The following AUTS2 variants were observed in gnomAD, a reference collection of about 807,000 sequenced individuals.
AUTS2 encodes the protein activator of transcription and developmental regulator AUTS2.
Under a neutral mutation model 112.4 loss-of-function variants are expected in AUTS2, and 17 were observed. The ratio of observed to expected loss-of-function variants is 0.15; its 90% CI spans 0.10 to 0.23. The LOEUF (loss-of-function observed/expected upper bound fraction) is 0.23, where lower values mean the gene tolerates loss of function less well. Among genes scored for constraint, AUTS2 ranks in the 10% least tolerant of loss-of-function variants. The pLI, the probability that AUTS2 is intolerant of heterozygous loss-of-function variation, is 1.00. For synonymous variants in AUTS2, 751 were observed against 702.7 expected, an observed-to-expected ratio of 1.07 and a Z score of -1.09; for missense variants, 1,510 against 1,701.6, an observed-to-expected ratio of 0.89 and a Z score of 1.98.
chr7:69,762,387 G>A (rs6957302), intron 1 of AUTS2, among the ~76,000 whole-genome samples: 105,502 of 146,572 alleles, frequency 0.72, 37,666 homozygotes, highest in East Asian at 0.76. Flanking sequence ...GTTCACTGCA[G>A]CCTCTGCCTC....
At chr7:70,502,688 G>A (rs1232508716) in intron 5 of AUTS2, among the ~76,000 whole-genome samples, 1 of 152,204 alleles carries the variant, frequency 6.6e-6, no homozygotes, top group Non-Finnish European at 1.5e-5. Flanking sequence ...ATAGTGGGAA[G>A]GGCCCAGTAC....
rs562302034 is a variant in AUTS2, at chr7:70,044,859, A to G, written c.523-73273A>G. Among the ~76,000 whole-genome samples, 264 of 152,276 alleles carry G rather than the reference A, an allele frequency of 1.7e-3. 1 individual carries two copies. Among genetic ancestry groups the G allele is most frequent in the African/African-American group, 6.0e-3 (251 of 41,560 alleles). On this transcript the variant is annotated intron_variant, in intron 2 of 18. Transcript: ENST00000342771. ...TCCATGTAGACAACTATGTCAAGAGAGAAATGTTTTCTGGTTGGAAATGAA... is the reference window on the plus strand; with the variant it reads ...TCCATGTAGACAACTATGTCAAGAGGGAAATGTTTTCTGGTTGGAAATGAA...
chr7:70,744,210 T>C (rs1788296894), intron 6 of AUTS2, among the ~76,000 whole-genome samples: 1 of 152,198 alleles, frequency 6.6e-6, no homozygotes, highest in Admixed American at 6.5e-5. Flanking sequence ...TGTCTAGATC[T>C]GAGTAAATCA....
intron 1 of AUTS2, among the ~76,000 whole-genome samples, chr7:69,699,438 A>G (rs1424961332): frequency 1.3e-5 from 2 of 152,106 alleles, no homozygotes; most frequent in African/African-American, 4.8e-5. Context: ...GCATACTATA[A>G]GCACTGTTCT....
intron 1 of AUTS2, 95 bp from the exon 2 acceptor site, chr7:69,899,191 G>C: frequency 1.1e-6 from 1 of 891,984 alleles, no homozygotes; most frequent in African/African-American, 1.7e-5. Flanking sequence ...CTCCCACTTA[G>C]TAGTAACACC....
intron 1 of AUTS2, among the ~76,000 whole-genome samples, chr7:69,616,812 A>G (rs1168334985): frequency 6.6e-6 from 1 of 152,098 alleles, no homozygotes; most frequent in African/African-American, 2.4e-5. Flanking sequence ...TCCTGACTTT[A>G]TTAAATCAGA....
At chr7:69,607,806 A>G (rs957079113) in intron 1 of AUTS2, among the ~76,000 whole-genome samples, 7 of 152,232 alleles carry the variant, frequency 4.6e-5, no homozygotes, top group African/African-American at 1.4e-4. Context: ...TGCTAATGCA[A>G]GTTGGGATTC....
At chr7:70,151,134 G>C (rs1225624323) in intron 4 of AUTS2, among the ~76,000 whole-genome samples, 1 of 152,174 alleles carries the variant, frequency 6.6e-6, no homozygotes, top group African/African-American at 2.4e-5. Flanking sequence ...GAACAAGGTA[G>C]CAAAAATTCA....
chr7:69,639,567 C>G (rs1488431074), intron 1 of AUTS2, among the ~76,000 whole-genome samples: 2 of 152,198 alleles, frequency 1.3e-5, no homozygotes, highest in African/African-American at 2.4e-5. Context: ...TTTTCATTTT[C>G]TGATCACAAT....
chr7:69,809,586 G>C (rs982841024), intron 1 of AUTS2, among the ~76,000 whole-genome samples: 3 of 152,094 alleles, frequency 2.0e-5, no homozygotes, highest in African/African-American at 7.2e-5. Flanking sequence ...GAACCTGGGG[G>C]CTCACATTTT....
At chr7:69,746,101 C>T (rs780368560) in intron 1 of AUTS2, among the ~76,000 whole-genome samples, 1 of 152,008 alleles carries the variant, frequency 6.6e-6, no homozygotes, top group Non-Finnish European at 1.5e-5. Context: ...TCTTGAAATC[C>T]TGGCCTCAAG....
At chr7:70,580,448 A>G (rs1802380891) in intron 5 of AUTS2, among the ~76,000 whole-genome samples, 5 of 152,176 alleles carry the variant, frequency 3.3e-5, no homozygotes. Flanking sequence ...GTAGGTCAGA[A>G]AGAGGGCAGT....
chr7:69,849,961 G>A (rs1467327757), intron 1 of AUTS2, among the ~76,000 whole-genome samples: 1 of 152,060 alleles, frequency 6.6e-6, no homozygotes, highest in Non-Finnish European at 1.5e-5. Context: ...AAACACTCAG[G>A]ATTGTAATTG....
In AUTS2 at chr7:70,551,795, G is replaced by A. The variant is rs115152281; in HGVS notation, c.690+116014G>A. Reference sequence around the variant, plus strand: ...GTAAGATTTAGTAATAGGGGACACTGGATATGAAGTATATGGGAATGCTCT... The same window carrying A: ...GTAAGATTTAGTAATAGGGGACACTAGATATGAAGTATATGGGAATGCTCT... On this transcript the variant is annotated intron_variant, in intron 5 of 18. Transcript: ENST00000342771. Among the ~76,000 whole-genome samples the A allele has an allele frequency of 5.4e-3, 828 of 152,258 alleles. 10 individuals are homozygous for A. The highest frequency in any genetic ancestry group is 0.019 in the African/African-American group (798 of 41,538).
At chr7:69,941,924 A>G (rs1796641711) in intron 2 of AUTS2, among the ~76,000 whole-genome samples, 1 of 152,130 alleles carries the variant, frequency 6.6e-6, no homozygotes, top group Admixed American at 6.6e-5. Flanking sequence ...TAATTGTTGA[A>G]GATTTATTGT....
Position 70,117,108 on chromosome 7 carries a change from T to TGTG in AUTS2, c.523-1024_523-1023insGTG, listed in dbSNP as rs751587795. 6.2e-5 allele frequency among the ~76,000 whole-genome samples: 7 copies of TGTG among 113,712 alleles called. No individual in the cohort carries two copies. The East Asian group carries it at 1.6e-3, about 26-fold the overall frequency. 74.6% of individuals were successfully genotyped at this position (113,712 alleles called of 152,430 possible). A position where few individuals can be genotyped will look rare whatever the true frequency, so the allele number is the denominator to read the frequency against. Reference sequence around the variant, plus strand: ...AAACTTCATGAGATGACTTTTGTTTTTTTTTTTTGTTTTTTTTTGTTTTTT... The same window carrying TGTG: ...AAACTTCATGAGATGACTTTTGTTTTGTGTTTTTTTTGTTTTTTTTTGTTTTTT... On this transcript the variant is annotated intron_variant, in intron 2 of 18. Transcript: ENST00000342771.
rs544366910 is a variant in AUTS2 at position 70,125,324 on chromosome 7, A to G, written c.624+7091A>G. ...CTTTTGTACTTTCTTGGACAAGACC[A>G]GAACAACCTTTAGTCTAAAGATAAT... On this transcript the variant is annotated intron_variant, in intron 3 of 18. Coordinates refer to ENST00000342771, the MANE Select transcript of AUTS2 (RefSeq NM_015570.4). Among the ~76,000 whole-genome samples, 31 of 152,054 alleles carry G rather than the reference A, an allele frequency of 2.0e-4. 1 individual carries two copies. Among genetic ancestry groups the G allele is most frequent in the Admixed American group, 9.8e-4 (15 of 15,254 alleles).
chr7:69,947,625 A>G (rs185899174), intron 2 of AUTS2, among the ~76,000 whole-genome samples: 36 of 152,292 alleles, frequency 2.4e-4, no homozygotes, highest in Admixed American at 1.9e-3. Flanking sequence ...AGATTTTTTT[A>G]TTATCCAAGT....
intron 4 of AUTS2, among the ~76,000 whole-genome samples, chr7:70,145,875 C>T (rs377360851): frequency 1.3e-5 from 2 of 152,036 alleles, no homozygotes; most frequent in Non-Finnish European, 1.5e-5. Context: ...TCTATGGGTA[C>T]GTTGTTAACA....
Sources: allele counts gnomAD v4.1 joint callset (sites outside exome capture counted in the v4.1 genomes callset), GRCh38; gene constraint gnomAD v4.1.1; transcripts MANE v1.5; gene names NCBI Gene and HGNC (gene_info 2026-07-23, HGNC 2026-07-21).